The following HHLA2 variants were observed in gnomAD, a reference collection of about 807,000 sequenced individuals.
HHLA2 encodes HHLA2 member of B7 family.
Under a neutral mutation model 45.9 loss-of-function variants are expected in HHLA2, and 48 were observed. The observed-to-expected ratio is 1.05, with a 90% CI of 0.83 to 1.33. The LOEUF (loss-of-function observed/expected upper bound fraction) is 1.33, where lower values mean the gene tolerates loss of function less well. Ranked by LOEUF, HHLA2 falls within the 40% of genes most tolerant of loss-of-function variation. The probability of loss-of-function intolerance (pLI) is 0.00; values close to 1 mark genes in which losing one functional copy is unlikely to be tolerated. For missense variants in HHLA2, 462 were observed against 494.3 expected (o/e 0.93, Z 0.62); for synonymous variants, 161 against 173.9 (o/e 0.93, Z 0.59).
intron 8 of HHLA2, among the ~76,000 whole-genome samples, chr3:108,374,310 C>G (rs1297444644): frequency 1.3e-5 from 2 of 151,794 alleles, no homozygotes; most frequent in Non-Finnish European, 2.9e-5. Flanking sequence ...CTTCCTTACA[C>G]CTTATACAAA....
intron 8 of HHLA2, among the ~76,000 whole-genome samples, chr3:108,372,587 T>A (rs2107513126): frequency 6.6e-6 from 1 of 151,698 alleles, no homozygotes; most frequent in East Asian, 1.9e-4. Flanking sequence ...CTAGCAAGAC[T>A]AATAAAGAAG....
At chr3:108,324,870 A>G (rs1402444459) in intron 2 of HHLA2, among the ~76,000 whole-genome samples, 1 of 152,118 alleles carries the variant, frequency 6.6e-6, no homozygotes, top group African/African-American at 2.4e-5. Flanking sequence ...CCTCTTTAGA[A>G]GTTATGCATT....
chr3:108,347,875 G>T (rs1181411514), intron 3 of HHLA2, among the ~76,000 whole-genome samples: 1 of 152,146 alleles, frequency 6.6e-6, no homozygotes, highest in Non-Finnish European at 1.5e-5. Flanking sequence ...ACAACTGGAA[G>T]AATTTGGTAC....
intron 8 of HHLA2, among the ~76,000 whole-genome samples, chr3:108,370,329 G>A (rs958219703): frequency 1.2e-4 from 18 of 152,192 alleles, no homozygotes; most frequent in African/African-American, 4.3e-4. Flanking sequence ...CCATCTGTAC[G>A]TCACCATCAT....
At chr3:108,324,241 T>C (rs2081250873) in intron 2 of HHLA2, among the ~76,000 whole-genome samples, 1 of 152,190 alleles carries the variant, frequency 6.6e-6, no homozygotes, top group Non-Finnish European at 1.5e-5. Context: ...TTAAATTTAT[T>C]ATTACATACG....
chr3:108,304,294 T>C (rs1304230467), intron 1 of HHLA2, among the ~76,000 whole-genome samples: 6 of 152,192 alleles, frequency 3.9e-5, no homozygotes, highest in Admixed American at 3.9e-4. Context: ...TGGCTTAAAT[T>C]AAGAAAAACA....
chr3:108,369,831 G>A (rs184616878), intron 8 of HHLA2, among the ~76,000 whole-genome samples: 59 of 152,336 alleles, frequency 3.9e-4, no homozygotes, highest in Non-Finnish European at 7.5e-4. Flanking sequence ...GAACTGGGTG[G>A]AGCCCATCAC....
chr3:108,302,135 G>A (rs1414430546), intron 1 of HHLA2, among the ~76,000 whole-genome samples: 1 of 152,144 alleles, frequency 6.6e-6, no homozygotes, highest in Non-Finnish European at 1.5e-5. Flanking sequence ...GATTTTTATA[G>A]TAGGGAAATG....
intron 3 of HHLA2, among the ~76,000 whole-genome samples, chr3:108,336,488 T>A (rs765368014): frequency 6.6e-6 from 1 of 152,196 alleles, no homozygotes; most frequent in Non-Finnish European, 1.5e-5. Flanking sequence ...TAAGGAATGC[T>A]TTCATCATGT....
chr3:108,297,900 C>A (rs903755006), intron 1 of HHLA2, among the ~76,000 whole-genome samples: 29 of 152,144 alleles, frequency 1.9e-4, no homozygotes, highest in Admixed American at 1.8e-3. Context: ...TCACGTAGTA[C>A]AGCATTAAAC....
intron 1 of HHLA2, among the ~76,000 whole-genome samples, chr3:108,307,526 C>T (rs915752335): frequency 1.3e-5 from 2 of 151,576 alleles, no homozygotes; most frequent in Non-Finnish European, 2.9e-5. Context: ...CCCAGCTACT[C>T]GGGAGGCTGA....
chr3:108,358,480 C>T (rs2107473585), intron 7 of HHLA2, among the ~76,000 whole-genome samples: 1 of 152,188 alleles, frequency 6.6e-6, no homozygotes, highest in East Asian at 1.9e-4. Flanking sequence ...TAATATATAC[C>T]TTAGGCCTAG....
intron 1 of HHLA2, among the ~76,000 whole-genome samples, chr3:108,304,553 A>C (rs2080898148): frequency 6.6e-6 from 1 of 152,174 alleles, no homozygotes; most frequent in Non-Finnish European, 1.5e-5. Flanking sequence ...TTACATCTAC[A>C]AAGACCTATT....
At chr3:108,358,930 T>A (rs903347128) in intron 7 of HHLA2, among the ~76,000 whole-genome samples, 2 of 152,146 alleles carry the variant, frequency 1.3e-5, no homozygotes, top group Non-Finnish European at 2.9e-5. Context: ...CGTAGTGAGA[T>A]TTGGAGACAA....
intron 3 of HHLA2, among the ~76,000 whole-genome samples, chr3:108,336,523 T>C (rs956072619): frequency 5.3e-5 from 8 of 152,102 alleles, no homozygotes; most frequent in African/African-American, 1.9e-4. Context: ...TTCTTCTAAA[T>C]TGGAAGCTAA....
chr3:108,339,747 G>A (rs1343189654), intron 3 of HHLA2, among the ~76,000 whole-genome samples: 6 of 151,968 alleles, frequency 3.9e-5, no homozygotes, highest in East Asian at 1.9e-4. Context: ...TTTTACTTAC[G>A]TGGTCTGCTC....
chr3:108,331,088 C>G (rs2081378603), intron 3 of HHLA2, among the ~76,000 whole-genome samples: 1 of 152,084 alleles, frequency 6.6e-6, no homozygotes, highest in Non-Finnish European at 1.5e-5. Context: ...GGGCATCCCA[C>G]CCGGTTCGAG....
At chr3:108,374,322 AT>A (rs1259912827) in intron 8 of HHLA2, among the ~76,000 whole-genome samples, 1 of 152,030 alleles carries the variant, frequency 6.6e-6, no homozygotes, top group African/African-American at 2.4e-5. Flanking sequence ...TTATACAAAA[AT>A]TAATTCAAGA....
chr3:108,353,892 T>C (rs970802094), intron 5 of HHLA2, 112 bp downstream of exon 4: 1 of 748,280 alleles, frequency 1.3e-6, no homozygotes, highest in Admixed American at 2.9e-5. Context: ...TACATGGAAA[T>C]CTACTTATTT....
Sources: gnomAD v4.1 joint callset for allele counts (sites outside exome capture counted in the v4.1 genomes callset) on GRCh38, gnomAD v4.1.1 for gene constraint, MANE v1.5 for transcripts, NCBI Gene and HGNC (gene_info 2026-07-23, HGNC 2026-07-21) for gene names.